USP34: variants seen among roughly 807,000 people sequenced by gnomAD.
USP34 encodes ubiquitin carboxyl-terminal hydrolase 34.
Under a neutral mutation model 460.3 loss-of-function variants are expected in USP34, and 70 were observed. The ratio of observed to expected loss-of-function variants is 0.15; its 90% confidence interval spans 0.13 to 0.19. The LOEUF (loss-of-function observed/expected upper bound fraction) is 0.19. Among genes scored for constraint, USP34 ranks in the 10% least tolerant of loss-of-function variants. The probability of loss-of-function intolerance (pLI) is 1.00; values close to 1 mark genes in which losing one functional copy is unlikely to be tolerated. For synonymous variants in USP34, 1,647 were observed against 1,405.3 expected, an observed-to-expected ratio of 1.17 and a Z score of -3.85; for missense variants, 3,985 against 4,236.2, an observed-to-expected ratio of 0.94 and a Z score of 1.65.
chr2:61,196,069 A>ATTTTTTTTTTTTTTT lies in USP34; in HGVS notation c.9509-3104_9509-3090dup, dbSNP rs71403398. ...CTACAGGTATGCACCACCATGCACG[A>ATTTTTTTTTTTTTTT]TTTTTTTTTTTTTTTTTTTTTTTTT... On this transcript the variant is annotated intron_variant, in intron 75 of 79. Coordinates refer to ENST00000398571, the MANE Select transcript of USP34 (RefSeq NM_014709.4). Among the ~76,000 whole-genome samples the ATTTTTTTTTTTTTTT allele has an allele frequency of 1.9e-4, 8 of 41,576 alleles. 1 individual carries two copies. Among genetic ancestry groups the ATTTTTTTTTTTTTTT allele is most frequent in the Non-Finnish European group, 2.4e-4 (6 of 24,742 alleles). 27.3% of individuals were successfully genotyped at this position (41,576 alleles called of 152,430 possible).
chr2:61,430,388 A>G (rs1694634484), intron 1 of USP34, among the ~76,000 whole-genome samples: 2 of 152,228 alleles, frequency 1.3e-5, no homozygotes, highest in Admixed American at 6.5e-5. Context: ...TGGGTGGCAG[A>G]GCAAGACTGT....
chr2:61,211,382 G>A (rs369590038), intron 69 of USP34, among the ~76,000 whole-genome samples: 1 of 152,094 alleles, frequency 6.6e-6, no homozygotes, highest in Non-Finnish European at 1.5e-5. Context: ...AAGTCATATA[G>A]ATCAGAAAGC....
At chr2:61,427,263 C>G (rs571265952) in intron 1 of USP34, among the ~76,000 whole-genome samples, 1 of 152,266 alleles carries the variant, frequency 6.6e-6, no homozygotes, top group Admixed American at 6.5e-5. Flanking sequence ...CTCCTGACCT[C>G]GTGATCCACC....
At chr2:61,347,047 C>T (rs995044435) in intron 15 of USP34, among the ~76,000 whole-genome samples, 5 of 146,750 alleles carry the variant, frequency 3.4e-5, no homozygotes, top group Admixed American at 2.0e-4. Flanking sequence ...GGCTGAGGCA[C>T]AAGAATTGTT....
intron 41 of USP34, among the ~76,000 whole-genome samples, chr2:61,271,537 T>C (rs138358775): frequency 2.8e-4 from 42 of 151,312 alleles, no homozygotes; most frequent in Non-Finnish European, 2.9e-4. Context: ...TGCAAGGCAA[T>C]AGAGATAGGA....
chr2:61,387,878 C>A (rs1693212064), intron 5 of USP34, among the ~76,000 whole-genome samples: 1 of 147,956 alleles, frequency 6.8e-6, no homozygotes. Context: ...TACGTATACG[C>A]ATATGTAAAA....
At chr2:61,344,917 C>A (rs990225634) in intron 15 of USP34, among the ~76,000 whole-genome samples, 5 of 152,036 alleles carry the variant, frequency 3.3e-5, no homozygotes, top group Non-Finnish European at 7.4e-5. Flanking sequence ...AGTATAGTGG[C>A]AAACATTCTG....
chr2:61,323,109 T>C (rs1001258884), intron 21 of USP34, among the ~76,000 whole-genome samples: 7 of 152,156 alleles, frequency 4.6e-5, no homozygotes, highest in South Asian at 2.1e-4. Flanking sequence ...CCATGCACAG[T>C]AGTCTGAGGC....
intron 58 of USP34, 49 bp downstream of exon 58, chr2:61,232,403 A>G: frequency 1.4e-6 from 2 of 1,423,264 alleles, no homozygotes; most frequent in Non-Finnish European, 2.0e-6. Context: ...AATTAAATTG[A>G]AAGTAACTTC....
In USP34 at chr2:61,246,431, T is replaced by G; in HGVS notation, c.6441A>C (p.Glu2147Asp). 6.2e-7 allele frequency: 1 copy of G among 1,605,884 alleles called. No individual in the cohort carries two copies. Among genetic ancestry groups the G allele is most frequent in the South Asian group, 1.1e-5 (1 of 89,592 alleles). Reference sequence around the variant, plus strand: ...GAACAGTCACTCCTATCAAGTCATATTCATAGCTCTCTGAGTCTTTTGAAT... The same window carrying G: ...GAACAGTCACTCCTATCAAGTCATAGTCATAGCTCTCTGAGTCTTTTGAAT... Reference protein sequence around the residue: ...SDHSKDSESYEYDLIGVTVHT... With the variant: ...SDHSKDSESYDYDLIGVTVHT... Residue 2147 changes from glutamate to aspartate, a missense_variant, in exon 50 of 80, where the codon GAA (glutamate) becomes GAC (aspartate). Glu to Asp is a conservative substitution (Grantham distance 45). Around this residue, in one of 14 missense-constraint regions of USP34, gnomAD observed 70 missense variants for 78.1 expected, o/e 0.90. Transcript: ENST00000398571.
At position 61,266,151 on chromosome 2, in the gene USP34, A is replaced by G. The variant is rs764181791; in HGVS notation, c.5450T>C (p.Ile1817Thr). 7.5e-6 allele frequency: 12 copies of G among 1,609,706 alleles called. No homozygotes were observed. In the African/African-American group the frequency reaches 1.1e-4, roughly 14 times the overall value. ...SREGQEFLRD[I>T]FNLLFLLPSL... is the part of the protein sequence containing the mutation. Reference sequence around the variant, plus strand: ...TGGCAACAAAAACAGGAGATTGAAGATATCTCTCAAAAATTCCTGGGGAGT... The same window carrying G: ...TGGCAACAAAAACAGGAGATTGAAGGTATCTCTCAAAAATTCCTGGGGAGT... The change falls in exon 42 of 80, where the codon ATC (isoleucine) becomes ACC (threonine). Residue 1817 changes from isoleucine to threonine, a missense_variant. Physicochemically the swap from Ile to Thr is moderately conservative, Grantham distance 89. Coordinates refer to ENST00000398571, the MANE Select transcript of USP34 (RefSeq NM_014709.4).
chr2:61,281,282 T>C, intron 37 of USP34, 40 bp from the exon 38 acceptor site: 15 of 1,586,852 alleles, frequency 9.5e-6, no homozygotes, highest in Non-Finnish European at 1.2e-5. Context: ...TGAGAGTTAG[T>C]ATTACAAAGT....
chr2:61,369,256 T>G (rs1472508552), intron 10 of USP34, among the ~76,000 whole-genome samples: 1 of 152,232 alleles, frequency 6.6e-6, no homozygotes, highest in Non-Finnish European at 1.5e-5. Context: ...TAATTCTACT[T>G]GTAAGTAAGA....
At chr2:61,419,671 T>C (rs1694301218) in intron 2 of USP34, among the ~76,000 whole-genome samples, 1 of 150,368 alleles carries the variant, frequency 6.7e-6, no homozygotes, top group Non-Finnish European at 1.5e-5. Flanking sequence ...AAGTGTAGAT[T>C]TTTTTCCTAG....
At chr2:61,442,031 A>G (rs1694980842) in intron 1 of USP34, among the ~76,000 whole-genome samples, 1 of 152,136 alleles carries the variant, frequency 6.6e-6, no homozygotes, top group Non-Finnish European at 1.5e-5. Context: ...GGGAAAGGAC[A>G]GTCTCTCCAA....
At chr2:61,415,026 A>G (rs929868052) in intron 2 of USP34, among the ~76,000 whole-genome samples, 7 of 152,144 alleles carry the variant, frequency 4.6e-5, no homozygotes, top group African/African-American at 7.2e-5. Flanking sequence ...CCACACAAAA[A>G]TGTGTGGGGA....
intron 15 of USP34, 29 bp from the exon 16 acceptor site, chr2:61,344,058 G>A: frequency 6.3e-7 from 1 of 1,598,176 alleles, no homozygotes; most frequent in East Asian, 2.2e-5. Flanking sequence ...CACAAAGTTA[G>A]TAATTACGAA....
chr2:61,370,807 G>T (rs1161552797), intron 8 of USP34, among the ~76,000 whole-genome samples: 3 of 152,054 alleles, frequency 2.0e-5, no homozygotes, highest in African/African-American at 7.2e-5. Flanking sequence ...AACTGAAAAG[G>T]TAACGATTAA....
chr2:61,217,452 T>G (rs913071531), intron 67 of USP34, among the ~76,000 whole-genome samples: 4 of 152,272 alleles, frequency 2.6e-5, no homozygotes, highest in African/African-American at 7.2e-5. Flanking sequence ...TAAGTTATAC[T>G]AATTCTATTC....
Sources: gnomAD v4.1 joint callset for allele counts (sites outside exome capture counted in the v4.1 genomes callset) on GRCh38, gnomAD v4.1.1 for gene constraint, gnomAD v4.1.1 regional missense constraint, MANE v1.5 for transcripts, NCBI Gene and HGNC (gene_info 2026-07-23, HGNC 2026-07-21) for gene names.